Variants in SGCD observed in about 807,000 individuals in gnomAD.
The protein encoded by SGCD is sarcoglycan delta, also known as delta-sarcoglycan.
A neutral mutation model predicts 36.6 loss-of-function variants in SGCD; 18 were observed. The observed-to-expected ratio is 0.49, with a 90% CI of 0.34 to 0.73. SGCD has a LOEUF of 0.73. Ranked by LOEUF, SGCD falls within the 30% of genes least tolerant of loss-of-function variation. SGCD has a pLI of 0.01. For missense variants in SGCD, 387 were observed against 346.7 expected, an observed-to-expected ratio of 1.12 and a Z score of -0.92; for synonymous variants, 133 against 130.6, an observed-to-expected ratio of 1.02 and a Z score of -0.12.
chr5:156,100,043 A>G lies in SGCD; in HGVS notation c.-281-17835A>G, dbSNP rs1761483664. 2.0e-5 allele frequency among the ~76,000 whole-genome samples: 3 copies of G among 152,082 alleles called. No individual in the cohort carries two copies. In the South Asian group the frequency reaches 6.2e-4, roughly 32 times the overall value. ...TATTTTACTCTTCCACTTGTGTCTAATTTTCATTAGACCCCTATTGAGGCA... is the reference window on the plus strand; with the variant it reads ...TATTTTACTCTTCCACTTGTGTCTAGTTTTCATTAGACCCCTATTGAGGCA... On this transcript the variant is annotated intron_variant, in intron 1 of 9. Coordinates refer to the SGCD transcript ENST00000517913.
chr5:156,730,947 T>G (rs977279500), intron 7 of SGCD, among the ~76,000 whole-genome samples: 1 of 152,170 alleles, frequency 6.6e-6, no homozygotes, highest in Admixed American at 6.5e-5. Context: ...CCATTCCGAC[T>G]GGTGTGAGGT....
upstream of SGCD, among the ~76,000 whole-genome samples, chr5:156,322,448 C>G (rs560784285): frequency 6.6e-6 from 1 of 152,248 alleles, no homozygotes; most frequent in Non-Finnish European, 1.5e-5. Context: ...GGCTGGGTCT[C>G]TGCCCTCATG....
At chr5:156,047,497 A>G (rs1759799104) in intron 1 of SGCD, among the ~76,000 whole-genome samples, 1 of 152,098 alleles carries the variant, frequency 6.6e-6, no homozygotes, top group African/African-American at 2.4e-5. Flanking sequence ...TTATTAACTG[A>G]TACTGAAAAT....
At chr5:156,389,672 C>T (rs1357428034) in intron 3 of SGCD, among the ~76,000 whole-genome samples, 1 of 152,166 alleles carries the variant, frequency 6.6e-6, no homozygotes, top group Non-Finnish European at 1.5e-5. Context: ...CTGCTCACCT[C>T]TTGCTGTGTG....
At chr5:156,515,735 C>T (rs256835) in intron 4 of SGCD, among the ~76,000 whole-genome samples, 78,976 of 152,082 alleles carry the variant, frequency 0.52, 20,785 homozygotes, top group African/African-American at 0.56. Context: ...CTGCTCGAGT[C>T]GTGGCCAGCA....
chr5:156,635,980 A>G (rs541489361), intron 6 of SGCD, among the ~76,000 whole-genome samples: 34 of 152,254 alleles, frequency 2.2e-4, no homozygotes, highest in Non-Finnish European at 4.9e-4. Flanking sequence ...GCACATGTAT[A>G]CATATGTAAC....
chr5:156,422,560 A>G (rs553296633), intron 3 of SGCD, among the ~76,000 whole-genome samples: 79 of 152,186 alleles, frequency 5.2e-4, no homozygotes, highest in Admixed American at 2.0e-3. Context: ...CGATATCCAT[A>G]AGCAAGATAA....
At chr5:156,518,716 C>T (rs933598266) in intron 4 of SGCD, among the ~76,000 whole-genome samples, 1 of 152,190 alleles carries the variant, frequency 6.6e-6, no homozygotes, top group African/African-American at 2.4e-5. Flanking sequence ...AAAAACCACA[C>T]AACTGCATGG....
chr5:155,746,024 C>A, the SGCD span, among the ~76,000 whole-genome samples: 1 of 151,974 alleles, frequency 6.6e-6, no homozygotes, highest in Non-Finnish European at 1.5e-5. Flanking sequence ...TTGACACATA[C>A]CGAAATATTT....
intron 3 of SGCD, among the ~76,000 whole-genome samples, chr5:156,394,560 C>T (rs1771753058): frequency 6.6e-6 from 1 of 152,164 alleles, no homozygotes; most frequent in Non-Finnish European, 1.5e-5. Context: ...AGTTCCTAGA[C>T]ATTTTCACTT....
intron 7 of SGCD, among the ~76,000 whole-genome samples, chr5:156,652,714 G>A (rs1005466519): frequency 3.3e-5 from 5 of 152,240 alleles, no homozygotes; most frequent in Non-Finnish European, 7.4e-5. Flanking sequence ...GATGTTGGCT[G>A]TGTGTTTGTC....
At chr5:156,288,962 TG>T (rs1371328857) in intron 3 of SGCD, among the ~76,000 whole-genome samples, 1 of 152,116 alleles carries the variant, frequency 6.6e-6, no homozygotes, top group African/African-American at 2.4e-5. Context: ...AGCACAGAAA[TG>T]GGCACATTAT....
chr5:156,581,126 T>C (rs1265966463), intron 4 of SGCD, among the ~76,000 whole-genome samples: 1 of 152,204 alleles, frequency 6.6e-6, no homozygotes, highest in African/African-American at 2.4e-5. Flanking sequence ...GCTATTCCTT[T>C]CTGTTTGTTA....
intron 3 of SGCD, among the ~76,000 whole-genome samples, chr5:156,356,679 A>G (rs144558352): frequency 6.6e-6 from 1 of 152,278 alleles, no homozygotes; most frequent in East Asian, 1.9e-4. Flanking sequence ...GTGCCCCCCT[A>G]CATTATATGC....
chr5:156,340,098 A>G (rs979239870), intron 2 of SGCD, among the ~76,000 whole-genome samples: 1 of 152,250 alleles, frequency 6.6e-6, no homozygotes, highest in Non-Finnish European at 1.5e-5. Flanking sequence ...AAACCCAAGT[A>G]TTCTGGTTAA....
At chr5:156,204,513 T>C (rs1315700159) in intron 3 of SGCD, among the ~76,000 whole-genome samples, 2 of 151,322 alleles carry the variant, frequency 1.3e-5, no homozygotes, top group Non-Finnish European at 2.9e-5. Context: ...CAATATCATG[T>C]GAACTAGAGT....
At chr5:155,870,029 AAG>A (rs1240997184), upstream of SGCD, among the ~76,000 whole-genome samples, 1 of 151,536 alleles carries the variant, frequency 6.6e-6, no homozygotes, top group Non-Finnish European at 1.5e-5. Context: ...CAACAACAAA[AAG>A]GGAACCGTCT....
chr5:155,825,737 TTTTTG>T, the SGCD span, among the ~76,000 whole-genome samples: 120 of 143,924 alleles, frequency 8.3e-4, 1 homozygote, highest in African/African-American at 2.5e-3. Flanking sequence ...TGTTTTTTTT[TTTTTG>T]TTGTTGTTGT....
intron 1 of SGCD, among the ~76,000 whole-genome samples, chr5:156,002,344 G>T (rs1385454777): frequency 6.6e-6 from 1 of 152,192 alleles, no homozygotes; most frequent in Non-Finnish European, 1.5e-5. Flanking sequence ...CCCTTTGGTC[G>T]TGGATTTCTA....
Sources: gnomAD v4.1 joint callset for allele counts (sites outside exome capture counted in the v4.1 genomes callset) on GRCh38, gnomAD v4.1.1 for gene constraint, MANE v1.5 for transcripts, NCBI Gene and HGNC (gene_info 2026-07-23, HGNC 2026-07-21) for gene names.